Variants in TTC23 observed in about 807,000 individuals in gnomAD.
TTC23 encodes tetratricopeptide repeat protein 23.
In TTC23, 58 loss-of-function variants were observed where a neutral mutation model predicts 55.1. The observed-to-expected ratio is 1.05, with a 90% confidence interval of 0.85 to 1.31. TTC23 has a LOEUF of 1.31. Ranked by LOEUF, TTC23 falls within the 50% of genes most tolerant of loss-of-function variation. The pLI is 0.00. For missense variants in TTC23, 516 were observed against 534.4 expected, an observed-to-expected ratio of 0.97 and a Z score of 0.34; for synonymous variants, 203 against 199.9, an observed-to-expected ratio of 1.02 and a Z score of -0.13.
chr15:99,191,921 C>A (rs777948398), intron 9 of TTC23, among the ~76,000 whole-genome samples: 5 of 152,150 alleles, frequency 3.3e-5, no homozygotes, highest in African/African-American at 9.7e-5. Context: ...ATGGACAATA[C>A]AGTCCAGGCT....
chr15:99,232,655 T>C (rs1041376629), intron 4 of TTC23, among the ~76,000 whole-genome samples: 9 of 152,052 alleles, frequency 5.9e-5, no homozygotes, highest in Non-Finnish European at 1.0e-4. Context: ...GAAAGATACA[T>C]GTTGGTGAAG....
At chr15:99,228,931 C>CAT (rs1596929532) in intron 4 of TTC23, among the ~76,000 whole-genome samples, 199 bp from the exon 5 acceptor site, 1 of 123,500 alleles carries the variant, frequency 8.1e-6, no homozygotes, top group East Asian at 2.8e-4. Context: ...TATAGACATA[C>CAT]ATATATATAT....
chr15:99,164,561 T>G (rs1240938653), intron 10 of TTC23, among the ~76,000 whole-genome samples: 3 of 152,222 alleles, frequency 2.0e-5, no homozygotes, highest in African/African-American at 7.2e-5. Context: ...GGAAATATCA[T>G]ATTTATTATG....
chr15:99,248,425 T>A (rs2080447838), intron 1 of TTC23: 1 of 152,222 alleles, frequency 6.6e-6, no homozygotes. Flanking sequence ...TCTGCCGCAG[T>A]CAGAACCAAC....
chr15:99,218,624 A>G lies in TTC23; in HGVS notation c.545T>C (p.Ile182Thr), dbSNP rs1166029137. The change falls in exon 8 of 14, where the codon ATA (isoleucine) becomes ACA (threonine). Residue 182 changes from isoleucine to threonine, a missense_variant. By Grantham distance (89) the Ile-to-Thr change is moderately conservative. Transcript: ENST00000394132. ...QCGRIIKEEWIEIEARIRLSF... is the reference protein window; with the variant it reads ...QCGRIIKEEWTEIEARIRLSF... ...TAATCTGATCCGTGCTTCAATTTCT[A>G]TCCATTCTTCCTTTATAATTCTTCC... The G allele has an allele frequency of 1.2e-6, 2 of 1,614,062 alleles. No individual in the cohort carries two copies. The highest frequency in any genetic ancestry group is 3.3e-5 in the Admixed American group (2 of 60,010).
chr15:99,138,968 T>G (rs1207496889), intron 13 of TTC23, among the ~76,000 whole-genome samples: 7 of 152,226 alleles, frequency 4.6e-5, no homozygotes, highest in Admixed American at 3.3e-4. Flanking sequence ...GCTCCAGTCC[T>G]GACGGGCATC....
chr15:99,223,753 G>A (rs1281739638), intron 5 of TTC23, among the ~76,000 whole-genome samples: 1 of 152,236 alleles, frequency 6.6e-6, no homozygotes, highest in Non-Finnish European at 1.5e-5. Context: ...ACCAGCTGAT[G>A]CTGTGCGGAG....
chr15:99,179,657 G>A (rs757514144), intron 9 of TTC23, among the ~76,000 whole-genome samples: 8 of 152,164 alleles, frequency 5.3e-5, no homozygotes, highest in Non-Finnish European at 1.2e-4. Context: ...TTTCTTTTCT[G>A]GAGCAGAAGA....
intron 8 of TTC23, among the ~76,000 whole-genome samples, chr15:99,211,504 A>C (rs569836546): frequency 6.6e-6 from 1 of 152,332 alleles, no homozygotes; most frequent in South Asian, 2.1e-4. Flanking sequence ...GCAGAAAAAA[A>C]TTGCACACCA....
chr15:99,181,963 G>A (rs1376691999), intron 9 of TTC23, among the ~76,000 whole-genome samples: 1 of 152,094 alleles, frequency 6.6e-6, no homozygotes, highest in Non-Finnish European at 1.5e-5. Context: ...GCACTACTCT[G>A]TATAAGCATT....
In TTC23 at chr15:99,200,106, T is replaced by C; in HGVS notation, c.582-10A>G. On this transcript the variant is annotated splice_polypyrimidine_tract_variant and intron_variant, in intron 8 of 13. Transcript: ENST00000394132. Reference sequence around the variant, plus strand: ...CTGACCTTGATACACCCTAAAAAAATCAAAGGAATTATTTTATTTAATAAT... The same window carrying C: ...CTGACCTTGATACACCCTAAAAAAACCAAAGGAATTATTTTATTTAATAAT... 3 of 1,563,274 alleles carry C rather than the reference T, an allele frequency of 1.9e-6. No individual in the cohort carries two copies. Among genetic ancestry groups the C allele is most frequent in the Non-Finnish European group, 2.6e-6 (3 of 1,159,956 alleles).
intron 10 of TTC23, among the ~76,000 whole-genome samples, chr15:99,167,658 G>A (rs2072315440): frequency 6.6e-6 from 1 of 152,208 alleles, no homozygotes; most frequent in South Asian, 2.1e-4. Flanking sequence ...CATCCCAAGA[G>A]CAAGAGGAAT....
upstream of TTC23, chr15:99,249,821 C>T (rs1015519817): frequency 6.6e-6 from 1 of 151,970 alleles, no homozygotes; most frequent in African/African-American, 2.4e-5. Context: ...ACAAAACGTG[C>T]GAATTGATTC....
At chr15:99,210,669 T>C (rs2076972467) in intron 8 of TTC23, among the ~76,000 whole-genome samples, 1 of 152,168 alleles carries the variant, frequency 6.6e-6, no homozygotes, top group Non-Finnish European at 1.5e-5. Flanking sequence ...TCAAGGAACC[T>C]CAGGTGATGG....
chr15:99,204,495 T>C (rs2076444209), intron 8 of TTC23, among the ~76,000 whole-genome samples: 1 of 152,098 alleles, frequency 6.6e-6, no homozygotes, highest in African/African-American at 2.4e-5. Context: ...CTTGATGTGA[T>C]CCCATTTGTC....
intron 9 of TTC23, among the ~76,000 whole-genome samples, chr15:99,178,670 C>T (rs986267629): frequency 2.0e-5 from 3 of 152,140 alleles, no homozygotes; most frequent in African/African-American, 7.2e-5. Context: ...GGTTTTTGCA[C>T]CCAGCTAACT....
At chr15:99,165,851 A>C (rs2071999496) in intron 10 of TTC23, among the ~76,000 whole-genome samples, 1 of 152,244 alleles carries the variant, frequency 6.6e-6, no homozygotes. Context: ...TATTGATTAT[A>C]AAAGCATTAC....
chr15:99,166,243 G>T (rs2072065159), intron 10 of TTC23, among the ~76,000 whole-genome samples: 1 of 152,104 alleles, frequency 6.6e-6, no homozygotes, highest in Admixed American at 6.5e-5. Context: ...CATCTTTCTA[G>T]TCCTCTTCTT....
intron 4 of TTC23, among the ~76,000 whole-genome samples, chr15:99,229,836 C>T (rs756861915): frequency 2.6e-5 from 4 of 152,226 alleles, no homozygotes; most frequent in Non-Finnish European, 5.9e-5. Flanking sequence ...AGCCTTTCAT[C>T]TCAGTAGAGG....
Sources: allele counts gnomAD v4.1 joint callset (sites outside exome capture counted in the v4.1 genomes callset), GRCh38; gene constraint gnomAD v4.1.1; transcripts MANE v1.5; gene names NCBI Gene and HGNC (gene_info 2026-07-23, HGNC 2026-07-21).